The following PRKG1 variants were observed in gnomAD, a reference collection of about 807,000 sequenced individuals.
The protein encoded by PRKG1 is protein kinase cGMP-dependent 1.
A neutral mutation model predicts 88.1 loss-of-function variants in PRKG1; 35 were observed. The observed-to-expected ratio is 0.40, with a 90% CI of 0.30 to 0.53. The LOEUF is 0.53. Ranked by LOEUF, PRKG1 falls within the 20% of genes least tolerant of loss-of-function variation. The pLI is 0.59. For synonymous variants in PRKG1, 303 were observed against 292.5 expected, an observed-to-expected ratio of 1.04 and a Z score of -0.37; for missense variants, 540 against 839.8, an observed-to-expected ratio of 0.64 and a Z score of 4.41.
intron 3 of PRKG1, among the ~76,000 whole-genome samples, chr10:51,757,990 G>T (rs1837913728): frequency 2.0e-5 from 3 of 152,118 alleles, no homozygotes; most frequent in Non-Finnish European, 4.4e-5. Context: ...TCTGGCATTT[G>T]TTCCTTTATA....
intron 2 of PRKG1, among the ~76,000 whole-genome samples, chr10:51,364,389 A>G (rs1051623912): frequency 4.6e-5 from 7 of 151,994 alleles, no homozygotes; most frequent in Non-Finnish European, 8.8e-5. Context: ...ATATGACATC[A>G]CAAAAGGCTA....
At chr10:51,357,259 C>T (rs756637518) in intron 2 of PRKG1, among the ~76,000 whole-genome samples, 2 of 151,912 alleles carry the variant, frequency 1.3e-5, no homozygotes, top group Non-Finnish European at 2.9e-5. Context: ...TTGAAGGAAC[C>T]TAAACCCTTT....
chr10:51,726,839 C>T (rs1389661141), intron 3 of PRKG1, among the ~76,000 whole-genome samples: 1 of 152,096 alleles, frequency 6.6e-6, no homozygotes, highest in African/African-American at 2.4e-5. Flanking sequence ...TGCAGTGGCA[C>T]GATCTCCTCT....
chr10:52,270,377 C>T (rs1051792570), intron 10 of PRKG1, among the ~76,000 whole-genome samples: 4 of 151,966 alleles, frequency 2.6e-5, no homozygotes, highest in African/African-American at 9.7e-5. Context: ...TGGGTATATA[C>T]CTAAAGGATT....
chr10:52,162,551 C>T (rs775793380), intron 9 of PRKG1, among the ~76,000 whole-genome samples: 1 of 151,946 alleles, frequency 6.6e-6, no homozygotes, highest in Non-Finnish European at 1.5e-5. Flanking sequence ...TACCAGTAAT[C>T]TATATAATCC....
intron 3 of PRKG1, among the ~76,000 whole-genome samples, chr10:51,527,292 A>G (rs1363369619): frequency 1.3e-5 from 2 of 152,082 alleles, no homozygotes; most frequent in African/African-American, 2.4e-5. Context: ...TATATATAAT[A>G]ACATAGATAT....
intron 3 of PRKG1, among the ~76,000 whole-genome samples, chr10:51,639,230 C>T (rs184982479): frequency 8.6e-4 from 130 of 151,636 alleles, no homozygotes; most frequent in African/African-American, 2.6e-3. Context: ...GTGAGGAGAT[C>T]GAGACCATCC....
intron 1 of PRKG1, among the ~76,000 whole-genome samples, chr10:51,123,881 C>T (rs1027681318): frequency 2.6e-5 from 4 of 151,850 alleles, no homozygotes; most frequent in East Asian, 1.9e-4. Flanking sequence ...TGAAAGCAGG[C>T]GCGAGAGAGT....
intron 2 of PRKG1, among the ~76,000 whole-genome samples, chr10:51,254,078 T>G (rs968677322): frequency 1.3e-5 from 2 of 151,934 alleles, no homozygotes; most frequent in East Asian, 1.9e-4. Flanking sequence ...AAGATCAAAG[T>G]GTTTAATATT....
At chr10:51,282,781 A>G (rs1032081516) in intron 2 of PRKG1, among the ~76,000 whole-genome samples, 1 of 126,528 alleles carries the variant, frequency 7.9e-6, no homozygotes, top group Non-Finnish European at 1.6e-5. Context: ...TACAAATTAT[A>G]CAAAAAAAAA....
chr10:51,276,266 C>T (rs1308580004), intron 2 of PRKG1, among the ~76,000 whole-genome samples: 3 of 152,164 alleles, frequency 2.0e-5, no homozygotes, highest in Admixed American at 6.5e-5. Flanking sequence ...TTTGCAGCTT[C>T]ATCCATGTCC....
At chr10:51,435,708 G>A (rs1838908123) in intron 2 of PRKG1, among the ~76,000 whole-genome samples, 1 of 151,910 alleles carries the variant, frequency 6.6e-6, no homozygotes, top group Non-Finnish European at 1.5e-5. Context: ...GGTGGGAATA[G>A]TGTGGTGAGC....
At chr10:51,530,096 A>T (rs1371049950) in intron 3 of PRKG1, among the ~76,000 whole-genome samples, 1 of 152,130 alleles carries the variant, frequency 6.6e-6, no homozygotes, top group Non-Finnish European at 1.5e-5. Flanking sequence ...TTTTTCATGC[A>T]TCCTTAGAAT....
At chr10:52,155,617 C>T (rs916169642) in intron 8 of PRKG1, among the ~76,000 whole-genome samples, 1 of 151,554 alleles carries the variant, frequency 6.6e-6, no homozygotes, top group African/African-American at 2.4e-5. Context: ...GAAAAAAAAT[C>T]AAGGAGGATA....
intron 3 of PRKG1, among the ~76,000 whole-genome samples, chr10:51,621,860 G>A (rs1839219773): frequency 6.6e-6 from 1 of 152,110 alleles, no homozygotes. Context: ...TCCTTTTGCA[G>A]TATTTTAACT....
intron 2 of PRKG1, among the ~76,000 whole-genome samples, chr10:51,173,811 A>G (rs1837118260): frequency 6.6e-6 from 1 of 151,906 alleles, no homozygotes; most frequent in Non-Finnish European, 1.5e-5. Context: ...GTTTGTATTT[A>G]AAATCAGGCT....
At chr10:51,493,924 A>G (rs1455284970) in intron 3 of PRKG1, among the ~76,000 whole-genome samples, 1 of 152,216 alleles carries the variant, frequency 6.6e-6, no homozygotes, top group African/African-American at 2.4e-5. Flanking sequence ...TACAGGGACT[A>G]TAGATTTCAG....
chr10:51,213,330 G>C (rs542423186), intron 2 of PRKG1, among the ~76,000 whole-genome samples: 2 of 152,246 alleles, frequency 1.3e-5, no homozygotes, highest in East Asian at 3.9e-4. Flanking sequence ...GTTGGGGGAG[G>C]GGGGAGGTAT....
chr10:51,474,195 A>G (rs1256684003), intron 3 of PRKG1, among the ~76,000 whole-genome samples: 5 of 151,974 alleles, frequency 3.3e-5, no homozygotes, highest in Non-Finnish European at 7.4e-5. Flanking sequence ...CAGTTAAACA[A>G]TTAGGCCCAT....
Sources: gnomAD v4.1 joint callset for allele counts (sites outside exome capture counted in the v4.1 genomes callset) on GRCh38, gnomAD v4.1.1 for gene constraint, MANE v1.5 for transcripts, NCBI Gene and HGNC (gene_info 2026-07-23, HGNC 2026-07-21) for gene names.